TMPRSS11E: variants seen among roughly 807,000 people sequenced by gnomAD.
TMPRSS11E encodes transmembrane serine protease 11E, also known as transmembrane protease serine 11E.
TMPRSS11E carries 38 observed loss-of-function variants against 48.1 expected under a neutral mutation model. The observed-to-expected ratio is 0.79, with a 90% CI of 0.61 to 1.04. The LOEUF is 1.04. Ranked by LOEUF, TMPRSS11E falls within the 50% of genes least tolerant of loss-of-function variation. The pLI is 0.00. For synonymous variants in TMPRSS11E, 158 were observed against 171.9 expected (o/e 0.92, Z 0.63); for missense variants, 530 against 510.8 (o/e 1.04, Z -0.36).
At chr4:68,485,871 C>T (rs1290836328) in intron 9 of TMPRSS11E, among the ~76,000 whole-genome samples, 1 of 151,994 alleles carries the variant, frequency 6.6e-6, no homozygotes, top group African/African-American at 2.4e-5. Flanking sequence ...CTTCCTGGTT[C>T]AATATTGGGA....
chr4:68,484,745 G>T (rs756018488), intron 9 of TMPRSS11E, among the ~76,000 whole-genome samples: 1 of 152,046 alleles, frequency 6.6e-6, no homozygotes, highest in African/African-American at 2.4e-5. Flanking sequence ...TTTGGCTCTC[G>T]GCTAAGATGT....
chr4:68,496,961 C>G lies in TMPRSS11E; in HGVS notation c.*157C>G, dbSNP rs774520992. On this transcript the variant is annotated 3_prime_UTR_variant, in exon 10 of 10. Transcript: ENST00000305363. The stretch of plus-strand genomic sequence containing the variant: ...TGATGCATGTATTTTCTTCCCAGCT[C>G]TGTTCCGCACATAAGCATCCTGCTT... 3 of 734,628 alleles carry G rather than the reference C, an allele frequency of 4.1e-6. No individual in the cohort carries two copies. Among genetic ancestry groups the G allele is most frequent in the Non-Finnish European group, 6.8e-6 (3 of 444,136 alleles). The allele number at this position is 734,628 out of a possible 1,614,324, so 45.5% of individuals were successfully genotyped here.
chr4:68,475,680 C>T (rs1384650590), intron 6 of TMPRSS11E, among the ~76,000 whole-genome samples: 3 of 152,102 alleles, frequency 2.0e-5, no homozygotes, highest in African/African-American at 7.2e-5. Flanking sequence ...AACAACACTT[C>T]TCAACCAAGG....
rs754909375 is a variant in TMPRSS11E, at chr4:68,447,553, G to A, written c.11+30G>A. The stretch of plus-strand genomic sequence containing the variant: ...GTTAGTTCCCTTTTTCTTTCTAGAA[G>A]TCTTAAGGTAACTTTTAGTTTAAAA... On this transcript the variant is annotated intron_variant, in intron 1 of 9. Transcript: ENST00000305363. The A allele has an allele frequency of 2.5e-6, 4 of 1,601,872 alleles. No homozygotes were observed. The African/African-American group carries it at 5.4e-5, about 22-fold the overall frequency.
intron 1 of TMPRSS11E, among the ~76,000 whole-genome samples, chr4:68,461,405 T>A: frequency 6.6e-6 from 1 of 152,196 alleles, no homozygotes; most frequent in Non-Finnish European, 1.5e-5. Flanking sequence ...GAGAAAAGGC[T>A]TAAAATATTT....
At chr4:68,465,838 G>A (rs994647998) in intron 2 of TMPRSS11E, among the ~76,000 whole-genome samples, 9 of 152,146 alleles carry the variant, frequency 5.9e-5, no homozygotes, top group Admixed American at 4.6e-4. Context: ...ATTAATATTT[G>A]TTGAATGAAT....
rs146784711 is a variant in TMPRSS11E, at chr4:68,458,954, A to G, written c.12-2867A>G. ...AGTACCAAACCGCCTTCTCATTTTT[A>G]TCTCTACCTAGCTCATTAGGTTAGG... On this transcript the variant is annotated intron_variant, in intron 1 of 9. Coordinates refer to ENST00000305363, the MANE Select transcript of TMPRSS11E (RefSeq NM_014058.4). 2.0e-5 allele frequency among the ~76,000 whole-genome samples: 3 copies of G among 152,238 alleles called. No individual in the cohort carries two copies. The East Asian group carries it at 5.8e-4, about 29-fold the overall frequency.
At position 68,496,703 on chromosome 4, in the gene TMPRSS11E, A is replaced by T; in HGVS notation, c.1171A>T (p.Ile391Leu). 2.5e-6 allele frequency: 4 copies of T among 1,613,750 alleles called. No individual in the cohort carries two copies. The highest frequency in any genetic ancestry group is 3.4e-6 in the Non-Finnish European group (4 of 1,179,716). Residue 391 changes from isoleucine (I) to leucine (L), a missense_variant, in exon 10 of 10, where the codon ATA (isoleucine) becomes TTA (leucine). Transcript: ENST00000305363. Reference sequence around the variant, plus strand: ...TAGAGATATCTGGTACCTTGCTGGAATAGTGAGCTGGGGAGATGAATGTGC... The same window carrying T: ...TAGAGATATCTGGTACCTTGCTGGATTAGTGAGCTGGGGAGATGAATGTGC... ...DARDIWYLAG[I>L]VSWGDECAKP...
intron 9 of TMPRSS11E, among the ~76,000 whole-genome samples, chr4:68,480,052 G>C (rs1729360328): frequency 6.6e-6 from 1 of 152,066 alleles, no homozygotes; most frequent in Non-Finnish European, 1.5e-5. Flanking sequence ...ATTTCTTGCT[G>C]TGTTCAAGAG....
chr4:68,484,473 AT>A (rs1729497060), intron 9 of TMPRSS11E, among the ~76,000 whole-genome samples: 1 of 151,914 alleles, frequency 6.6e-6, no homozygotes, highest in Non-Finnish European at 1.5e-5. Flanking sequence ...CACATGGCTA[AT>A]TTTTTAGATT....
At chr4:68,485,056 C>T (rs1487533743) in intron 9 of TMPRSS11E, among the ~76,000 whole-genome samples, 2 of 152,160 alleles carry the variant, frequency 1.3e-5, no homozygotes, top group Non-Finnish European at 2.9e-5. Context: ...AGCTTTTGCC[C>T]ATTCATTATG....
intron 4 of TMPRSS11E, 60 bp from the exon 5 acceptor site, chr4:68,471,400 T>C (rs948987380): frequency 4.2e-6 from 1 of 239,306 alleles, no homozygotes; most frequent in Non-Finnish European, 8.9e-6. Context: ...CTCCCTCCCT[T>C]CCTGCCTTTC....
Position 68,471,476 on chromosome 4 carries a change from G to C in TMPRSS11E, c.343G>C (p.Val115Leu), listed in dbSNP as rs748139451. ...GGCCCACAGTCAACAGAAGCATGGA[G>C]TGTTGGCTCATATGCTGTTGATTTG... is the stretch of plus-strand genomic sequence containing the variant. ...VIKFSQQKHG[V>L]LAHMLLICRF... The change falls in exon 5 of 10, where the codon GTG becomes CTG. Residue 115 changes from valine (V) to leucine (L), a missense_variant. Physicochemically the swap from Val to Leu is conservative, Grantham distance 32. Coordinates refer to ENST00000305363, the MANE Select transcript of TMPRSS11E (RefSeq NM_014058.4). The C allele has an allele frequency of 1.9e-6, 3 of 1,540,618 alleles. No homozygotes were observed. The highest frequency in any genetic ancestry group is 2.8e-5 in the African/African-American group (2 of 70,778).
rs879273830 is a variant in TMPRSS11E, at chr4:68,471,591, C to T, written c.458C>T (p.Pro153Leu). ...AAGCTGCAAGATGCTGTAGGACCCC[C>T]TAAAGTAGATCCTCACTCAGTTAAA... Reference protein sequence around the residue: ...HEKLQDAVGPPKVDPHSVKIK... With the variant: ...HEKLQDAVGPLKVDPHSVKIK... Residue 153 changes from proline to leucine, a missense_variant, in exon 5 of 10, where the codon CCT becomes CTT. By Grantham distance (98) the Pro-to-Leu change is moderately conservative. Transcript: ENST00000305363. 2 of 1,601,350 alleles carry T rather than the reference C, an allele frequency of 1.2e-6. No homozygotes were observed. Among genetic ancestry groups the T allele is most frequent in the Non-Finnish European group, 1.7e-6 (2 of 1,175,748 alleles).
chr4:68,472,103 T>A (rs1729089394), intron 5 of TMPRSS11E, among the ~76,000 whole-genome samples: 1 of 151,852 alleles, frequency 6.6e-6, no homozygotes, highest in Non-Finnish European at 1.5e-5. Flanking sequence ...AAATGAAAAA[T>A]TTAGGTAGAT....
At position 68,461,047 on chromosome 4, in the gene TMPRSS11E, A is replaced by AT. The variant is rs1728776935; in HGVS notation, c.12-767dup. 4.6e-5 allele frequency among the ~76,000 whole-genome samples: 7 copies of AT among 151,784 alleles called. No individual in the cohort carries two copies. The South Asian group carries it at 8.4e-4, about 18-fold the overall frequency. ...AGGCGCCTGCCACCATGCCCGGCTAATTTTTTTGTATTTTTAGTAGAGACG... is the reference window on the plus strand; with the variant it reads ...AGGCGCCTGCCACCATGCCCGGCTAATTTTTTTTGTATTTTTAGTAGAGACG... On this transcript the variant is annotated intron_variant, in intron 1 of 9. Transcript: ENST00000305363.
chr4:68,447,565 C>T, intron 1 of TMPRSS11E, 42 bp downstream of exon 1: 1 of 1,591,442 alleles, frequency 6.3e-7, no homozygotes, highest in South Asian at 1.1e-5. Flanking sequence ...CTTAAGGTAA[C>T]TTTTAGTTTA....
rs1416263963 is a variant in TMPRSS11E, at chr4:68,476,282, A to G, written c.551A>G (p.Lys184Arg). 1 of 1,614,126 alleles carries G rather than the reference A, an allele frequency of 6.2e-7. No homozygotes were observed. The highest frequency in any genetic ancestry group is 1.7e-5 in the Admixed American group (1 of 60,012). The change falls in exon 7 of 10, where the codon AAA (lysine) becomes AGA (arginine). Residue 184 changes from lysine to arginine, a missense_variant. Coordinates refer to ENST00000305363, the MANE Select transcript of TMPRSS11E (RefSeq NM_014058.4). Reference sequence around the variant, plus strand: ...GCAGGCTGCGGAACACGAAGAAGTAAAACTCTAGGTCAGAGTCTCAGGATC... The same window carrying G: ...GCAGGCTGCGGAACACGAAGAAGTAGAACTCTAGGTCAGAGTCTCAGGATC... Reference protein sequence around the residue: ...LNHCCGTRRSKTLGQSLRIVG... With the variant: ...LNHCCGTRRSRTLGQSLRIVG...
At chr4:68,485,581 G>A (rs1012891564) in intron 9 of TMPRSS11E, among the ~76,000 whole-genome samples, 5 of 152,178 alleles carry the variant, frequency 3.3e-5, no homozygotes, top group African/African-American at 9.6e-5. Flanking sequence ...TTGCATCAAT[G>A]TTCATCAAGG....
Sources: allele counts gnomAD v4.1 joint callset (sites outside exome capture counted in the v4.1 genomes callset), GRCh38; gene constraint gnomAD v4.1.1; transcripts MANE v1.5; gene names NCBI Gene and HGNC (gene_info 2026-07-23, HGNC 2026-07-21).